TFDP1: variants seen among roughly 807,000 people sequenced by gnomAD.
The protein encoded by TFDP1 is DRTF1-polypeptide 1.
A neutral mutation model predicts 48.0 loss-of-function variants in TFDP1; 6 were observed. That is an observed-to-expected ratio of 0.13 (90% CI 0.07 to 0.25). The LOEUF (loss-of-function observed/expected upper bound fraction) is 0.25. TFDP1 is among the 10% of genes least tolerant of loss of function. TFDP1 has a pLI of 1.00. For missense variants in TFDP1, 335 were observed against 543.0 expected (o/e 0.62, Z 3.81); for synonymous variants, 201 against 211.6 (o/e 0.95, Z 0.44).
At chr13:113,639,960 C>T (rs138188518) in intron 11 of TFDP1, among the ~76,000 whole-genome samples, 160 bp from the exon 12 acceptor site, 265 of 152,364 alleles carry the variant, frequency 1.7e-3, no homozygotes, top group African/African-American at 6.2e-3. Context: ...AGAGCGTTGG[C>T]GTGCTGTAGT....
At chr13:113,625,012 CTCTCACGTGTCCTCAGGTGTTT>C (rs2049099106) in intron 4 of TFDP1, among the ~76,000 whole-genome samples, 1 of 137,232 alleles carries the variant, frequency 7.3e-6, no homozygotes, top group African/African-American at 2.9e-5. Flanking sequence ...CCTCAGGTGT[CTCTCACGTGTCCTCAGGTGTTT>C]CTCAGGTGTC....
chr13:113,632,953 C>G (rs1010979207), intron 5 of TFDP1, among the ~76,000 whole-genome samples, 167 bp from the exon 6 acceptor site: 1 of 152,204 alleles, frequency 6.6e-6, no homozygotes, highest in African/African-American at 2.4e-5. Context: ...GGCCTGGGGG[C>G]TGGGGCTAGG....
rs1487351799 is a variant in TFDP1 at position 113,585,891 on chromosome 13, G to A, written c.12+42G>A. On this transcript the variant is annotated intron_variant, in intron 2 of 11. Coordinates refer to ENST00000375370, the MANE Select transcript of TFDP1 (RefSeq NM_007111.5). The stretch of plus-strand genomic sequence containing the variant: ...CATGCTGCACACGAATGTTTGCCTC[G>A]CACTAAATTCTTTGTAGTTCTCTGC... 7 of 1,588,346 alleles carry A rather than the reference G, an allele frequency of 4.4e-6. No individual in the cohort carries two copies. The African/African-American group carries it at 9.4e-5, about 21-fold the overall frequency.
Position 113,611,914 on chromosome 13 carries a change from AACATCCACGTGGTC to A in TFDP1, c.79+853_79+866del, listed in dbSNP as rs1216902805. Among the ~76,000 whole-genome samples the A allele has an allele frequency of 2.0e-5, 3 of 152,326 alleles. No individual in the cohort carries two copies. The East Asian group carries it at 5.8e-4, about 29-fold the overall frequency. On this transcript the variant is annotated intron_variant, in intron 3 of 11. Transcript: ENST00000375370. The stretch of plus-strand genomic sequence containing the variant: ...TGGGTCCACTGAGTGCCCTGGTCGC[AACATCCACGTGGTC>A]GCATCAGCCCAGGGAGGAGCCCAGA...
intron 4 of TFDP1, among the ~76,000 whole-genome samples, chr13:113,629,167 C>T (rs73577489): frequency 0.025 from 3,774 of 152,286 alleles, 156 homozygotes; most frequent in African/African-American, 0.086. Flanking sequence ...ACGCAGGGCA[C>T]GCAGAGGAAG....
chr13:113,639,627 G>C (rs141488039), intron 11 of TFDP1, among the ~76,000 whole-genome samples: 44 of 152,314 alleles, frequency 2.9e-4, no homozygotes, highest in African/African-American at 9.9e-4. Context: ...CATTAGGAAC[G>C]TAGTGAGCTC....
chr13:113,611,130 C>G lies in TFDP1; in HGVS notation c.79+68C>G, dbSNP rs2048698938. The G allele has an allele frequency of 4.2e-6, 6 of 1,423,068 alleles. No individual in the cohort carries two copies. In the East Asian group the frequency reaches 1.4e-4, roughly 33 times the overall value. 88.2% of individuals were successfully genotyped at this position (1,423,068 alleles called of 1,614,324 possible). A position where few individuals can be genotyped will look rare whatever the true frequency, so the allele number is the denominator to read the frequency against. On this transcript the variant is annotated intron_variant, in intron 3 of 11. Transcript: ENST00000375370. ...CATGAAGCTTCACATGTTTATGAAG[C>G]TGTTGACGCTGAAGCCTCTTGCTAA...
At chr13:113,621,129 C>G (rs963000214) in intron 3 of TFDP1, among the ~76,000 whole-genome samples, 7 of 152,264 alleles carry the variant, frequency 4.6e-5, no homozygotes, top group Non-Finnish European at 1.0e-4. Flanking sequence ...ACCGATGATT[C>G]ATGAGTCATT....
At chr13:113,637,763 C>T (rs774842391) in intron 10 of TFDP1, 55 bp from the exon 11 acceptor site, 19 of 1,613,898 alleles carry the variant, frequency 1.2e-5, no homozygotes, top group South Asian at 4.4e-5. Flanking sequence ...GTTGCCTGTG[C>T]GTCTTGTGTT....
chr13:113,587,267 C>A lies in TFDP1; in HGVS notation c.12+1418C>A, dbSNP rs191624545. On this transcript the variant is annotated intron_variant, in intron 2 of 11. Transcript: ENST00000375370. The stretch of plus-strand genomic sequence containing the variant: ...CCATCCAGTGTGGGCACCTGAGACG[C>A]AGCATTTGTCAGGAACTGCATAGGC... Among the ~76,000 whole-genome samples, 7 of 152,076 alleles carry A rather than the reference C, an allele frequency of 4.6e-5. 1 individual carries two copies. In the East Asian group the frequency reaches 1.4e-3, roughly 29 times the overall value.
chr13:113,640,103 C>G lies in TFDP1; in HGVS notation c.1086-17C>G, dbSNP rs373761807. ...GGCCGCCTGCACTGACGGCGCCATC[C>G]GCCTCCTGCCTTGCAGTGACCTGAC... On this transcript the variant is annotated splice_polypyrimidine_tract_variant and intron_variant, in intron 11 of 11. Coordinates refer to ENST00000375370, the MANE Select transcript of TFDP1 (RefSeq NM_007111.5). 4 of 1,572,102 alleles carry G rather than the reference C, an allele frequency of 2.5e-6. No homozygotes were observed. Among genetic ancestry groups the G allele is most frequent in the Non-Finnish European group, 3.4e-6 (4 of 1,160,434 alleles).
At chr13:113,637,987 A>T in intron 11 of TFDP1, 91 bp downstream of exon 11, 1 of 1,531,916 alleles carries the variant, frequency 6.5e-7, no homozygotes, top group Non-Finnish European at 8.8e-7. Flanking sequence ...AGGTGTGGCC[A>T]TCAGGTCTGT....
intron 3 of TFDP1, among the ~76,000 whole-genome samples, chr13:113,611,487 A>G (rs577314065): frequency 1.3e-5 from 2 of 152,344 alleles, no homozygotes; most frequent in South Asian, 4.1e-4. Context: ...GCCACCTTTA[A>G]CGCTTCGCGT....
intron 2 of TFDP1, among the ~76,000 whole-genome samples, chr13:113,592,674 A>G (rs2048174143): frequency 6.6e-6 from 1 of 152,246 alleles, no homozygotes; most frequent in African/African-American, 2.4e-5. Flanking sequence ...AGAGGGTCAG[A>G]AACCTGAATG....
chr13:113,637,633 A>T (rs779022581), intron 10 of TFDP1, 185 bp from the exon 11 acceptor site: 1 of 1,536,342 alleles, frequency 6.5e-7, no homozygotes, highest in Admixed American at 2.0e-5. Flanking sequence ...AGACAGGCTT[A>T]TGTGACTGCA....
chr13:113,636,447 C>T, intron 9 of TFDP1, 87 bp from the exon 10 acceptor site: 1 of 1,449,848 alleles, frequency 6.9e-7, no homozygotes, highest in Non-Finnish European at 9.5e-7. Flanking sequence ...GTGTGGCGGT[C>T]AGCGGGTCAG....
chr13:113,607,812 C>T lies in TFDP1; in HGVS notation c.13-3184C>T, dbSNP rs2140377420. ...ACCTGGGTTTCCTGGGTGTGGGCTACTCAGGGATTGCTGAGTTCCCATCCC... is the reference window on the plus strand; with the variant it reads ...ACCTGGGTTTCCTGGGTGTGGGCTATTCAGGGATTGCTGAGTTCCCATCCC... On this transcript the variant is annotated intron_variant, in intron 2 of 11. Coordinates refer to ENST00000375370, the MANE Select transcript of TFDP1 (RefSeq NM_007111.5). This position sits in a 1 kb window ranked among gnomAD's most constrained non-coding sequence, Gnocchi z 5.2. Among the ~76,000 whole-genome samples, 1 of 152,282 alleles carries T rather than the reference C, an allele frequency of 6.6e-6. No homozygotes were observed. Among genetic ancestry groups the T allele is most frequent in the East Asian group, 1.9e-4 (1 of 5,176 alleles).
chr13:113,596,053 G>A lies in TFDP1; in HGVS notation c.12+10204G>A, dbSNP rs192557184. On this transcript the variant is annotated intron_variant, in intron 2 of 11. Transcript: ENST00000375370. ...GCCAAGATGGCGCCGCTGCACTCCC[G>A]CCTGGGCGACAGAGTGAGACTCCGT... 6.8e-3 allele frequency among the ~76,000 whole-genome samples: 1,041 copies of A among 152,308 alleles called. 12 individuals are homozygous for A. Among genetic ancestry groups the A allele is most frequent in the African/African-American group, 0.024 (988 of 41,564 alleles).
chr13:113,638,443 C>G (rs1462868188), intron 11 of TFDP1, among the ~76,000 whole-genome samples: 1 of 152,046 alleles, frequency 6.6e-6, no homozygotes, highest in African/African-American at 2.4e-5. Context: ...TTTTTCAGAA[C>G]GCGTCTGCGG....
Sources: allele counts gnomAD v4.1 joint callset (sites outside exome capture counted in the v4.1 genomes callset), GRCh38; gene constraint gnomAD v4.1.1; non-coding constraint Gnocchi (gnomAD v3.1); transcripts MANE v1.5; gene names NCBI Gene and HGNC (gene_info 2026-07-23, HGNC 2026-07-21).